FSD1L: variants seen among roughly 807,000 people sequenced by gnomAD.
FSD1L encodes FSD1-like protein.
FSD1L carries 45 observed loss-of-function variants against 71.6 expected under a neutral mutation model. The ratio of observed to expected loss-of-function variants is 0.63; its 90% confidence interval spans 0.49 to 0.81. The LOEUF (loss-of-function observed/expected upper bound fraction) is 0.81. FSD1L is among the 30% of genes least tolerant of loss of function. The probability of loss-of-function intolerance (pLI) is 0.00; values close to 1 mark genes in which losing one functional copy is unlikely to be tolerated. For synonymous variants in FSD1L, 197 were observed against 207.2 expected (o/e 0.95, Z 0.42); for missense variants, 561 against 618.1 (o/e 0.91, Z 0.98).
intron 7 of FSD1L, among the ~76,000 whole-genome samples, chr9:105,493,735 T>G (rs371833482): frequency 4.6e-5 from 7 of 151,986 alleles, no homozygotes; most frequent in South Asian, 4.1e-4. Context: ...GTCTGTAAAG[T>G]ATTTTATTTC....
intron 13 of FSD1L, among the ~76,000 whole-genome samples, chr9:105,544,165 A>G (rs948243465): frequency 7.9e-5 from 12 of 152,090 alleles, no homozygotes; most frequent in African/African-American, 2.2e-4. Context: ...GTTTTGATTT[A>G]CATTTCTCTG....
At position 105,551,974 on chromosome 9, in the gene FSD1L, T is replaced by G. The variant is rs890652170; in HGVS notation, c.*5491T>G. The G allele has an allele frequency of 3.9e-5, 6 of 152,226 alleles. No homozygotes were observed. The highest frequency in any genetic ancestry group is 1.4e-4 in the African/African-American group (6 of 41,456). The allele number at this position is 152,226 out of a possible 1,614,324, so 9.4% of individuals were successfully genotyped here. The stretch of plus-strand genomic sequence containing the variant: ...ATTTGACAACTTTGTTGCATTATCA[T>G]TTTTAAAAAAAGATGAAGCATTTCA... On this transcript the variant is annotated 3_prime_UTR_variant, in exon 14 of 14. Transcript: ENST00000481272.
chr9:105,533,414 A>ATCTTTTTTTTTTTTT (rs1836031668), intron 10 of FSD1L, among the ~76,000 whole-genome samples: 1 of 13,376 alleles, frequency 7.5e-5, no homozygotes, highest in Non-Finnish European at 1.7e-4. Flanking sequence ...TGCCATTTCC[A>ATCTTTTTTTTTTTTT]TCTTTTTTTT....
Position 105,534,533 on chromosome 9 carries a change from A to G in FSD1L, c.1066A>G (p.Arg356Gly), listed in dbSNP as rs1165332874. The G allele has an allele frequency of 1.9e-6, 3 of 1,550,830 alleles. No individual in the cohort carries two copies. Among genetic ancestry groups the G allele is most frequent in the South Asian group, 2.4e-5 (2 of 84,008 alleles). ...PSPKRTSVGS[R>G]PPAVRGSRDR... ...CCCAAAACGAACATCTGTAGGCTCC[A>G]GGCCACCAGCAGTAAGAGGCAGTAG... Residue 356 changes from arginine (R) to glycine (G), a missense_variant, in exon 11 of 14, where the codon AGG (arginine) becomes GGG (glycine). This residue lies in a region of FSD1L where 410 missense variants were observed against 413.5 expected (regional missense o/e 0.99). Transcript: ENST00000481272.
At chr9:105,447,324 C>CAAAAAA (rs35514046), upstream of FSD1L, among the ~76,000 whole-genome samples, 27 of 61,540 alleles carry the variant, frequency 4.4e-4, no homozygotes, top group African/African-American at 5.6e-4. Context: ...ACTCCATCTC[C>CAAAAAA]AAAAAAAAAA....
Position 105,448,745 on chromosome 9 carries a change from C to G in FSD1L, c.15+510C>G, listed in dbSNP as rs536426890. 1.2e-3 allele frequency among the ~76,000 whole-genome samples: 190 copies of G among 152,308 alleles called. 3 individuals carry two copies. Among genetic ancestry groups the G allele is most frequent in the Admixed American group, 2.4e-3 (36 of 15,304 alleles). On this transcript the variant is annotated intron_variant, in intron 1 of 13. Coordinates refer to ENST00000481272, the MANE Select transcript of FSD1L (RefSeq NM_001145313.3). The stretch of plus-strand genomic sequence containing the variant: ...TTTGTACCGCCCACCGCTCCCCTTC[C>G]CATGACTTTTCCTAAGTAGATCTTA...
At chr9:105,468,113 C>A in intron 3 of FSD1L, 80 bp from the exon 4 acceptor site, 1 of 908,616 alleles carries the variant, frequency 1.1e-6, no homozygotes, top group Non-Finnish European at 1.5e-6. Context: ...TAAATTTATT[C>A]TCTCTTTTGG....
chr9:105,498,223 A>ATTG (rs1554708797), intron 7 of FSD1L, among the ~76,000 whole-genome samples: 2,240 of 147,128 alleles, frequency 0.015, 43 homozygotes, highest in Admixed American at 0.05. Flanking sequence ...TATTATTATT[A>ATTG]TTGTTTTTAG....
At chr9:105,498,747 C>A (rs1188748549) in intron 7 of FSD1L, among the ~76,000 whole-genome samples, 2 of 152,004 alleles carry the variant, frequency 1.3e-5, no homozygotes, top group African/African-American at 2.4e-5. Flanking sequence ...TTTAAAATTT[C>A]TCTTGAGATT....
At chr9:105,465,519 C>G (rs1831000595) in intron 3 of FSD1L, among the ~76,000 whole-genome samples, 1 of 152,096 alleles carries the variant, frequency 6.6e-6, no homozygotes, top group South Asian at 2.1e-4. Context: ...AAAATACTAG[C>G]AAACTGAATT....
chr9:105,496,750 A>T (rs1390700686), intron 7 of FSD1L, among the ~76,000 whole-genome samples: 2 of 152,244 alleles, frequency 1.3e-5, no homozygotes, highest in Admixed American at 1.3e-4. Flanking sequence ...TGCTGCAATC[A>T]CTTACTAGTT....
rs1455226100 is a variant in FSD1L, at chr9:105,552,267, TA to T, written c.*5785del. ...AAGAAGCACATGGCCTCATTTTCCT[TA>T]GAAACAAGACAAAGCCTTTTTAAAA... On this transcript the variant is annotated 3_prime_UTR_variant, in exon 14 of 14. Transcript: ENST00000481272. 1 of 152,124 alleles carries T rather than the reference TA, an allele frequency of 6.6e-6. No homozygotes were observed. Among genetic ancestry groups the T allele is most frequent in the Admixed American group, 6.5e-5 (1 of 15,274 alleles). 9.4% of individuals were successfully genotyped at this position (152,124 alleles called of 1,614,324 possible). A position where few individuals can be genotyped will look rare whatever the true frequency, so the allele number is the denominator to read the frequency against.
At chr9:105,445,494 T>C (rs1829622609), upstream of FSD1L, among the ~76,000 whole-genome samples, 1 of 152,106 alleles carries the variant, frequency 6.6e-6, no homozygotes, top group Non-Finnish European at 1.5e-5. Flanking sequence ...CTTCTTTCTC[T>C]GGTGGTGCCT....
chr9:105,531,702 G>C (rs1246476325), intron 10 of FSD1L, among the ~76,000 whole-genome samples: 1 of 149,854 alleles, frequency 6.7e-6, no homozygotes, highest in Non-Finnish European at 1.5e-5. Context: ...TGATGAATTG[G>C]GTAATATTTG....
Position 105,506,385 on chromosome 9 carries a change from T to TTTC in FSD1L, c.587-8_587-6dup, listed in dbSNP as rs1834051301. The TTTC allele has an allele frequency of 6.6e-7, 1 of 1,525,646 alleles. No individual in the cohort carries two copies. The highest frequency in any genetic ancestry group is 1.4e-5 in the African/African-American group (1 of 71,570). The allele number at this position is 1,525,646 out of a possible 1,614,324, so 94.5% of individuals were successfully genotyped here. On this transcript the variant is annotated splice_polypyrimidine_tract_variant and intron_variant, in intron 7 of 13. Coordinates refer to ENST00000481272, the MANE Select transcript of FSD1L (RefSeq NM_001145313.3). ...GAGGAATGAATGAGTCTTTTTTTTTTTTCTTCTTTGCAGTCCCCAAAGCTC... is the reference window on the plus strand; with the variant it reads ...GAGGAATGAATGAGTCTTTTTTTTTTTTCTTCTTCTTTGCAGTCCCCAAAGCTC...
intron 7 of FSD1L, among the ~76,000 whole-genome samples, chr9:105,501,649 G>A (rs1380791511): frequency 6.7e-6 from 1 of 149,700 alleles, no homozygotes; most frequent in Non-Finnish European, 1.5e-5. Flanking sequence ...GCTCAGGCTG[G>A]TCTCAAACTC....
intron 6 of FSD1L, among the ~76,000 whole-genome samples, chr9:105,481,798 G>A (rs1832221261): frequency 6.7e-6 from 1 of 149,280 alleles, no homozygotes; most frequent in Admixed American, 6.6e-5. Flanking sequence ...TTTGGGTCAG[G>A]GTCTTGCTCC....
At chr9:105,514,255 G>A (rs146648558) in intron 10 of FSD1L, among the ~76,000 whole-genome samples, 5 of 152,274 alleles carry the variant, frequency 3.3e-5, no homozygotes, top group African/African-American at 1.2e-4. Context: ...TGATTTTATA[G>A]TGTATTATAA....
upstream of FSD1L, among the ~76,000 whole-genome samples, chr9:105,445,683 C>G (rs1829626255): frequency 1.3e-5 from 2 of 152,182 alleles, no homozygotes; most frequent in South Asian, 4.1e-4. Flanking sequence ...AGATGTTCTC[C>G]AATCGCCAGG....
Sources: allele counts gnomAD v4.1 joint callset (sites outside exome capture counted in the v4.1 genomes callset), GRCh38; gene constraint gnomAD v4.1.1; regional missense constraint gnomAD v4.1.1; transcripts MANE v1.5; gene names NCBI Gene and HGNC (gene_info 2026-07-23, HGNC 2026-07-21).